MUS81: variants seen among roughly 807,000 people sequenced by gnomAD.
MUS81 encodes the protein MUS81 structure-specific endonuclease subunit, also known as structure-specific endonuclease subunit MUS81.
A neutral mutation model predicts 74.2 loss-of-function variants in MUS81; 69 were observed. The observed-to-expected ratio is 0.93, with a 90% confidence interval of 0.77 to 1.14. The LOEUF is 1.14. Ranked by LOEUF, MUS81 falls within the 50% of genes most tolerant of loss-of-function variation. The pLI, the probability that MUS81 is intolerant of heterozygous loss-of-function variation, is 0.00. For missense variants in MUS81, 711 were observed against 726.5 expected (o/e 0.98, Z 0.25); for synonymous variants, 303 against 300.6 (o/e 1.01, Z -0.08).
Position 65,860,883 on chromosome 11 carries a change from CAGA to C in MUS81, c.133_135del (p.Lys45del). The C allele has an allele frequency of 6.3e-7, 1 of 1,586,230 alleles. No individual in the cohort carries two copies. Among genetic ancestry groups the C allele is most frequent in the Non-Finnish European group, 8.6e-7 (1 of 1,168,916 alleles). ...CAGGCGCCGCACGCGCTTCGTATTT[CAGA>C]AGGTGGGTCCTGGCGTGGCCCGATG... On this transcript the variant is annotated inframe_deletion and splice_region_variant, in exon 1 of 16. Coordinates refer to ENST00000308110, the MANE Select transcript of MUS81 (RefSeq NM_025128.5).
chr11:65,865,907 G>A lies in MUS81; in HGVS notation c.1589+13G>A. The A allele has an allele frequency of 6.2e-7, 1 of 1,614,184 alleles. No homozygotes were observed. Among genetic ancestry groups the A allele is most frequent in the Non-Finnish European group, 8.5e-7 (1 of 1,180,010 alleles). ...GGCGTCTACAGAGGTGAGGGCAAGA[G>A]ACGGAACCTGGAGGGAGTGGCAGGG... On this transcript the variant is annotated intron_variant, in intron 15 of 15. Coordinates refer to ENST00000308110, the MANE Select transcript of MUS81 (RefSeq NM_025128.5).
chr11:65,865,268 G>A lies in MUS81; in HGVS notation c.1450G>A (p.Gly484Arg), dbSNP rs200398671. 67 of 1,614,188 alleles carry A rather than the reference G, an allele frequency of 4.2e-5. No homozygotes were observed. The Admixed American group carries it at 4.2e-4, about 10-fold the overall frequency. Residue 484 changes from glycine to arginine, a missense_variant, in exon 14 of 16, where the codon GGA (glycine) becomes AGA (arginine). Gly to Arg is a moderately radical substitution (Grantham distance 125). Transcript: ENST00000308110. Reference sequence around the variant, plus strand: ...TGCCCGGCAGCTGATGCAGGTGCGCGGAGTGAGTGGGGAGAAGGCAGCAGC... The same window carrying A: ...TGCCCGGCAGCTGATGCAGGTGCGCAGAGTGAGTGGGGAGAAGGCAGCAGC... ...VFARQLMQVR[G>R]VSGEKAAALV...
In MUS81 at chr11:65,861,989, C is replaced by T; in HGVS notation, c.394C>T (p.Pro132Ser). Residue 132 changes from proline (P) to serine (S), a missense_variant, in exon 4 of 16, where the codon CCA becomes TCA. Coordinates refer to ENST00000308110, the MANE Select transcript of MUS81 (RefSeq NM_025128.5). ...AGCGGGAGGCTCTGGCAGCTACTGG[C>T]CAGCTCGGCACTCAGGAGCCCGAGT... ...PKAGGSGSYW[P>S]ARHSGARVIL... is the part of the protein sequence containing the mutation. 2 of 1,611,456 alleles carry T rather than the reference C, an allele frequency of 1.2e-6. No individual in the cohort carries two copies. The highest frequency in any genetic ancestry group is 1.7e-6 in the Non-Finnish European group (2 of 1,179,264).
At chr11:65,864,996 C>T in intron 12 of MUS81, 21 bp from the exon 13 acceptor site, 1 of 1,612,320 alleles carries the variant, frequency 6.2e-7, no homozygotes, top group Non-Finnish European at 8.5e-7. Flanking sequence ...CCAGCCTGGC[C>T]TCAGTCCCTT....
At position 65,863,087 on chromosome 11, in the gene MUS81, C is replaced by T; in HGVS notation, c.628C>T (p.Leu210=). 6.2e-7 allele frequency: 1 copy of T among 1,614,132 alleles called. No homozygotes were observed. Among genetic ancestry groups the T allele is most frequent in the Admixed American group, 1.7e-5 (1 of 60,020 alleles). ...CAGGTACTCATTGACCCCAGAGGGC[C>T]TGGAGCTGGCCCAGAAGTTGGCCGA... The part of the protein sequence containing the change: ...PARYSLTPEG[L]ELAQKLAESE... Residue 210 remains leucine (L), a synonymous_variant, in exon 7 of 16, where the codon CTG becomes TTG. Transcript: ENST00000308110.
intron 6 of MUS81, 97 bp from the exon 7 acceptor site, chr11:65,862,968 A>C: frequency 6.5e-7 from 1 of 1,538,740 alleles, no homozygotes; most frequent in Non-Finnish European, 8.9e-7. Context: ...GCAGGGCGCC[A>C]AGGGGGTGGT....
intron 10 of MUS81, chr11:65,864,125 A>G (rs1313161053): frequency 1.7e-6 from 1 of 604,686 alleles, no homozygotes; most frequent in Non-Finnish European, 2.9e-6. Context: ...GGAGCATTTT[A>G]AAGACCTCTT....
intron 6 of MUS81, 104 bp downstream of exon 6, chr11:65,862,633 G>T: frequency 9.0e-7 from 1 of 1,108,728 alleles, no homozygotes; most frequent in South Asian, 1.4e-5. Context: ...AGATTGGGGG[G>T]GGTGGGCCTT....
intron 14 of MUS81, 187 bp downstream of exon 14, chr11:65,865,510 T>C: frequency 1.5e-6 from 1 of 664,832 alleles, no homozygotes. Context: ...GTGTCCCAGG[T>C]AGTGGAGGCC....
Position 65,865,836 on chromosome 11 carries a change from G to A in MUS81, c.1531G>A (p.Ala511Thr). ...ASLLAAYDAC[A>T]TPKEQETLLS... ...CCTCCTGGCCGCCTATGATGCCTGTGCCACCCCCAAGGAACAAGAGACACT... is the reference window on the plus strand; with the variant it reads ...CCTCCTGGCCGCCTATGATGCCTGTACCACCCCCAAGGAACAAGAGACACT... The change falls in exon 15 of 16, where the codon GCC becomes ACC. Residue 511 changes from alanine (A) to threonine (T), a missense_variant. Ala to Thr is a moderately conservative substitution (Grantham distance 58, BLOSUM62 0). Coordinates refer to ENST00000308110, the MANE Select transcript of MUS81 (RefSeq NM_025128.5). The A allele has an allele frequency of 6.2e-7, 1 of 1,614,014 alleles. No homozygotes were observed. The highest frequency in any genetic ancestry group is 8.5e-7 in the Non-Finnish European group (1 of 1,180,008).
chr11:65,861,463 G>T (rs1859602524), intron 3 of MUS81, 28 bp downstream of exon 3: 1 of 1,566,554 alleles, frequency 6.4e-7, no homozygotes, highest in Non-Finnish European at 8.7e-7. Context: ...GGAGTGGAAG[G>T]CAAAGTGGGA....
chr11:65,863,281 C>A, intron 7 of MUS81, 76 bp downstream of exon 7: 1 of 1,577,640 alleles, frequency 6.3e-7, no homozygotes, highest in African/African-American at 1.3e-5. Flanking sequence ...CGCCCCAACC[C>A]ATCACCTGCA....
In MUS81 at chr11:65,865,822, C is replaced by T; in HGVS notation, c.1517C>T (p.Ala506Val). 6.2e-7 allele frequency: 1 copy of T among 1,614,038 alleles called. No homozygotes were observed. The highest frequency in any genetic ancestry group is 8.5e-7 in the Non-Finnish European group (1 of 1,180,006). ...RYSTPASLLAAYDACATPKEQ... is the reference protein window; with the variant it reads ...RYSTPASLLAVYDACATPKEQ... ...CCCCTGCCCCCCAGCCTCCTGGCCG[C>T]CTATGATGCCTGTGCCACCCCCAAG... Residue 506 changes from alanine (A) to valine (V), a missense_variant, in exon 15 of 16, where the codon GCC becomes GTC. Transcript: ENST00000308110.
At chr11:65,866,873 T>C (rs1433705538), downstream of MUS81, 19 of 1,610,494 alleles carry the variant, frequency 1.2e-5, no homozygotes, top group Non-Finnish European at 1.4e-5. Flanking sequence ...CACAACAGGC[T>C]CCTCAGCTAG....
At chr11:65,864,644 G>C (rs1859747377) in intron 11 of MUS81, 31 bp downstream of exon 11, 5 of 1,612,940 alleles carry the variant, frequency 3.1e-6, no homozygotes, top group Non-Finnish European at 4.2e-6. Flanking sequence ...CAGGCAGGCA[G>C]GCAGGGGCCC....
intron 14 of MUS81, 60 bp downstream of exon 14, chr11:65,865,383 C>G (rs1478421587): frequency 1.3e-6 from 2 of 1,506,948 alleles, no homozygotes; most frequent in East Asian, 2.3e-5. Flanking sequence ...TGGAATTCAC[C>G]TTAATCCATG....
At chr11:65,867,161 C>G, downstream of MUS81, 5 of 1,573,800 alleles carry the variant, frequency 3.2e-6, no homozygotes, top group East Asian at 1.1e-4. Context: ...CTCCCTGCCC[C>G]GTGGCCGTGA....
intron 2 of MUS81, 102 bp downstream of exon 2, chr11:65,861,204 C>G: frequency 6.3e-7 from 1 of 1,580,746 alleles, no homozygotes; most frequent in Non-Finnish European, 8.6e-7. Context: ...ACTCCTGTCC[C>G]AGTTGCCGTT....
chr11:65,859,998 C>T (rs537258935), upstream of MUS81: 79 of 260,534 alleles, frequency 3.0e-4, no homozygotes, highest in African/African-American at 1.5e-3. Context: ...AGTCCTCCTT[C>T]CTCTAGGCCT....
Sources: allele counts gnomAD v4.1 joint callset, GRCh38; gene constraint gnomAD v4.1.1; transcripts MANE v1.5; gene names NCBI Gene and HGNC (gene_info 2026-07-23, HGNC 2026-07-21).